Variants in C12orf42 observed in about 807,000 individuals in gnomAD.
C12orf42 encodes the protein chromosome 12 open reading frame 42, also known as uncharacterized protein C12orf42.
C12orf42 carries 25 observed loss-of-function variants against 21.6 expected under a neutral mutation model. That is an observed-to-expected ratio of 1.16 (90% CI 0.84 to 1.62). The LOEUF (loss-of-function observed/expected upper bound fraction) is 1.62, where lower values mean the gene tolerates loss of function less well. Ranked by LOEUF, C12orf42 falls within the 40% of genes most tolerant of loss-of-function variation. The pLI is 0.00. For missense variants in C12orf42, 483 were observed against 459.3 expected, an observed-to-expected ratio of 1.05 and a Z score of -0.47; for synonymous variants, 174 against 175.0, an observed-to-expected ratio of 0.99 and a Z score of 0.05.
chr12:103,486,897 C>CA (rs1019745822), intron 1 of C12orf42, among the ~76,000 whole-genome samples: 2 of 152,104 alleles, frequency 1.3e-5, no homozygotes, highest in African/African-American at 2.4e-5. Context: ...TTGATCTTTT[C>CA]AAAAAACCAG....
the C12orf42 span, among the ~76,000 whole-genome samples, chr12:103,149,375 C>T: frequency 6.6e-6 from 1 of 152,140 alleles, no homozygotes; most frequent in Non-Finnish European, 1.5e-5. Context: ...AGTAAAAATG[C>T]AGGACACCCA....
chr12:103,446,997 C>T (rs2137405202), intron 2 of C12orf42, among the ~76,000 whole-genome samples: 1 of 151,880 alleles, frequency 6.6e-6, no homozygotes, highest in Non-Finnish European at 1.5e-5. Flanking sequence ...TAAACTATAC[C>T]CTAGAACAAA....
chr12:103,356,747 C>G (rs1593586523), intron 4 of C12orf42, among the ~76,000 whole-genome samples: 2 of 151,900 alleles, frequency 1.3e-5, no homozygotes, highest in East Asian at 1.9e-4. Flanking sequence ...TCTCATTGTG[C>G]TTTTGATTTG....
At chr12:103,420,558 CT>C (rs770651905) in intron 2 of C12orf42, among the ~76,000 whole-genome samples, 481 of 149,452 alleles carry the variant, frequency 3.2e-3, no homozygotes, top group Middle Eastern at 0.01. Flanking sequence ...TTTCATGTTT[CT>C]TTTTTTTTTA....
At chr12:103,287,805 A>G (rs1469496621) in intron 4 of C12orf42, among the ~76,000 whole-genome samples, 1 of 152,054 alleles carries the variant, frequency 6.6e-6, no homozygotes, top group Non-Finnish European at 1.5e-5. Context: ...ACAGAGAGAG[A>G]AAGAGAGAGA....
downstream of C12orf42, among the ~76,000 whole-genome samples, chr12:103,235,713 A>G (rs2033446386): frequency 6.6e-6 from 1 of 152,170 alleles, no homozygotes; most frequent in Non-Finnish European, 1.5e-5. Flanking sequence ...GAGTTCATAT[A>G]TGCAAAGTTT....
the C12orf42 span, among the ~76,000 whole-genome samples, chr12:103,118,590 A>T: frequency 1.3e-5 from 2 of 152,018 alleles, no homozygotes; most frequent in Non-Finnish European, 2.9e-5. Context: ...CGAGGTCAGG[A>T]GATCGAGACC....
the C12orf42 span, chr12:103,164,550 C>T: frequency 2.3e-6 from 1 of 434,112 alleles, no homozygotes. Flanking sequence ...GTCTAAGGCA[C>T]AGGGGGTGGG....
intron 5 of C12orf42, among the ~76,000 whole-genome samples, 152 bp downstream of exon 5, chr12:103,305,822 C>T (rs967958639): frequency 3.3e-5 from 5 of 152,316 alleles, no homozygotes; most frequent in East Asian, 1.9e-4. Context: ...AACAAGCAGA[C>T]TTTCATTGAA....
At chr12:103,274,310 C>T (rs757326480) in intron 5 of C12orf42, among the ~76,000 whole-genome samples, 2 of 152,194 alleles carry the variant, frequency 1.3e-5, no homozygotes, top group African/African-American at 2.4e-5. Context: ...GAATCAGATG[C>T]TCCTGTGTCC....
chr12:103,322,116 C>T (rs796207534), intron 4 of C12orf42, among the ~76,000 whole-genome samples: 206 of 96,790 alleles, frequency 2.1e-3, no homozygotes, highest in Middle Eastern at 0.016. Flanking sequence ...CGTGCGTGCG[C>T]GCGCGCGCGC....
chr12:103,490,598 T>C (rs1474815574), intron 1 of C12orf42, among the ~76,000 whole-genome samples: 1 of 152,090 alleles, frequency 6.6e-6, no homozygotes, highest in East Asian at 1.9e-4. Flanking sequence ...GTTTTACATC[T>C]TATTTAATTT....
the C12orf42 span, chr12:103,547,851 A>G: frequency 2.0e-5 from 3 of 152,248 alleles, no homozygotes; most frequent in Admixed American, 2.0e-4. Context: ...TCCCTTCCCC[A>G]CCTTGAGTGT....
the C12orf42 span, among the ~76,000 whole-genome samples, chr12:103,542,864 G>A: frequency 1.1e-4 from 16 of 152,188 alleles, no homozygotes; most frequent in African/African-American, 3.6e-4. Flanking sequence ...GAGGACCTTT[G>A]CCTGCACTAT....
chr12:103,213,124 ACAAT>A, the C12orf42 span, among the ~76,000 whole-genome samples: 1 of 152,338 alleles, frequency 6.6e-6, no homozygotes, highest in Middle Eastern at 3.4e-3. Context: ...ATTTTAGGTC[ACAAT>A]CAAAGGCAGT....
At chr12:103,099,899 G>A in the C12orf42 span, among the ~76,000 whole-genome samples, 22 of 152,170 alleles carry the variant, frequency 1.4e-4, no homozygotes, top group Admixed American at 9.2e-4. Context: ...CATCTCTTGA[G>A]TAGATAAACC....
chr12:103,515,146 T>C, the C12orf42 span, among the ~76,000 whole-genome samples: 2 of 152,230 alleles, frequency 1.3e-5, no homozygotes, highest in Non-Finnish European at 2.9e-5. Flanking sequence ...AATGTAAATA[T>C]TCATTGTTCT....
chr12:103,502,069 T>C, the C12orf42 span, among the ~76,000 whole-genome samples: 266 of 152,296 alleles, frequency 1.7e-3, 2 homozygotes, highest in Non-Finnish European at 3.0e-3. Context: ...ACTCACCTTT[T>C]TTATCATTAT....
intron 4 of C12orf42, among the ~76,000 whole-genome samples, chr12:103,285,015 T>C (rs2036357297): frequency 6.6e-6 from 1 of 152,204 alleles, no homozygotes; most frequent in Non-Finnish European, 1.5e-5. Flanking sequence ...TTATCTAGGA[T>C]CAATGCTCAA....
Sources: allele counts gnomAD v4.1 joint callset (sites outside exome capture counted in the v4.1 genomes callset), GRCh38; gene constraint gnomAD v4.1.1; transcripts MANE v1.5; gene names NCBI Gene and HGNC (gene_info 2026-07-23, HGNC 2026-07-21).